Variants in NOX4 observed in about 807,000 individuals in gnomAD.
NOX4 encodes kidney oxidase-1.
A neutral mutation model predicts 87.6 loss-of-function variants in NOX4; 69 were observed. The ratio of observed to expected loss-of-function variants is 0.79; its 90% CI spans 0.65 to 0.96. NOX4 has a LOEUF of 0.96. Ranked by LOEUF, NOX4 falls within the 40% of genes least tolerant of loss-of-function variation. The pLI is 0.00. For missense variants in NOX4, 680 were observed against 681.5 expected, an observed-to-expected ratio of 1.00 and a Z score of 0.02; for synonymous variants, 275 against 238.2, an observed-to-expected ratio of 1.15 and a Z score of -1.42.
chr11:89,541,678 C>A, the NOX4 span, among the ~76,000 whole-genome samples: 30 of 151,974 alleles, frequency 2.0e-4, no homozygotes, highest in Non-Finnish European at 4.3e-4. Flanking sequence ...ATTAAATGTA[C>A]AGAAAATGCA....
intron 11 of NOX4, among the ~76,000 whole-genome samples, chr11:89,377,763 A>C (rs1334619193): frequency 2.0e-5 from 3 of 152,182 alleles, no homozygotes; most frequent in African/African-American, 4.8e-5. Flanking sequence ...TAAATGTGTT[A>C]AACCTGAGAA....
At chr11:89,475,466 T>C (rs1946127756) in intron 2 of NOX4, among the ~76,000 whole-genome samples, 1 of 152,114 alleles carries the variant, frequency 6.6e-6, no homozygotes, top group Admixed American at 6.6e-5. Context: ...CCTAATGGTA[T>C]GCATTATGTT....
rs982266394 is a variant in NOX4 at position 89,340,158 on chromosome 11, G to A, written c.1351C>T (p.Pro451Ser). The A allele has an allele frequency of 3.8e-6, 6 of 1,591,360 alleles. No individual in the cohort carries two copies. The highest frequency in any genetic ancestry group is 5.1e-6 in the Non-Finnish European group (6 of 1,168,506). ...AAGTATAGTCTTCTAAGCTTGTATG[G>A]TTTCCAGTCATCCCTTTAAAATGAA... Reference protein sequence around the residue: ...ILNTLLDDWKPYKLRRLYFIW... With the variant: ...ILNTLLDDWKSYKLRRLYFIW... The change falls in exon 15 of 18, where the codon CCA (proline) becomes TCA (serine). Residue 451 changes from proline (P) to serine (S), a missense_variant. Coordinates refer to ENST00000263317, the MANE Select transcript of NOX4 (RefSeq NM_016931.5).
the NOX4 span, among the ~76,000 whole-genome samples, chr11:89,547,218 G>T: frequency 6.6e-6 from 1 of 151,966 alleles, no homozygotes. Flanking sequence ...CCTATATATT[G>T]CCATAGAATC....
At chr11:89,398,119 A>T (rs1282027950) in intron 11 of NOX4, among the ~76,000 whole-genome samples, 1 of 151,990 alleles carries the variant, frequency 6.6e-6, no homozygotes, top group Non-Finnish European at 1.5e-5. Flanking sequence ...TTATCCACCG[A>T]GATCAAGTTG....
chr11:89,529,757 C>T, the NOX4 span, among the ~76,000 whole-genome samples: 2 of 152,138 alleles, frequency 1.3e-5, no homozygotes, highest in Non-Finnish European at 2.9e-5. Context: ...TGCTTTCATT[C>T]TTCAGTGACA....
Position 89,374,369 on chromosome 11 carries a change from G to A in NOX4, c.1075-877C>T, listed in dbSNP as rs533524566. 2.7e-3 allele frequency among the ~76,000 whole-genome samples: 405 copies of A among 152,136 alleles called. 3 individuals carry two copies. The highest frequency in any genetic ancestry group is 9.6e-3 in the African/African-American group (397 of 41,496). On this transcript the variant is annotated intron_variant, in intron 11 of 17. Coordinates refer to ENST00000263317, the MANE Select transcript of NOX4 (RefSeq NM_016931.5). ...ACATCCTGTTGGATATATTAAGTAC[G>A]ATATGAAATATGCATACCTTTTAAA...
At chr11:89,340,243 A>T in intron 14 of NOX4, 72 bp from the exon 15 acceptor site, 1 of 1,059,360 alleles carries the variant, frequency 9.4e-7, no homozygotes, top group Non-Finnish European at 1.4e-6. Flanking sequence ...TATATTTTTT[A>T]AAGTTTCCTT....
At chr11:89,550,974 A>G in the NOX4 span, among the ~76,000 whole-genome samples, 26 of 152,312 alleles carry the variant, frequency 1.7e-4, no homozygotes, top group African/African-American at 6.0e-4. Flanking sequence ...GGTATAAAGA[A>G]GGGCTCCAGT....
chr11:89,513,970 G>T, the NOX4 span, among the ~76,000 whole-genome samples: 1 of 152,104 alleles, frequency 6.6e-6, no homozygotes, highest in African/African-American at 2.4e-5. Flanking sequence ...GCCTTCACCA[G>T]ATGCGGCCAC....
upstream of NOX4, among the ~76,000 whole-genome samples, chr11:89,496,965 A>C (rs1946961195): frequency 6.6e-6 from 1 of 152,216 alleles, no homozygotes; most frequent in Non-Finnish European, 1.5e-5. Flanking sequence ...GCCCAAAGTA[A>C]CCATGATATT....
rs749801133 is a variant in NOX4 at position 89,440,677 on chromosome 11, T to G, written c.475+11A>C. The stretch of plus-strand genomic sequence containing the variant: ...CTAAACCTAAAGAAAAGGCTAAGAA[T>G]AACAACTTACCAGTTGTGAAGAGAA... On this transcript the variant is annotated intron_variant, in intron 6 of 17. Coordinates refer to ENST00000263317, the MANE Select transcript of NOX4 (RefSeq NM_016931.5). The G allele has an allele frequency of 1.3e-6, 2 of 1,542,520 alleles. No individual in the cohort carries two copies. The highest frequency in any genetic ancestry group is 1.4e-5 in the African/African-American group (1 of 71,962).
intron 6 of NOX4, among the ~76,000 whole-genome samples, chr11:89,437,492 G>A (rs958108847): frequency 6.6e-6 from 1 of 152,104 alleles, no homozygotes; most frequent in Non-Finnish European, 1.5e-5. Context: ...AGGGAGCCCT[G>A]TGTCTGAGCC....
intron 9 of NOX4, among the ~76,000 whole-genome samples, chr11:89,401,853 T>C (rs1941872170): frequency 6.6e-6 from 1 of 152,128 alleles, no homozygotes; most frequent in African/African-American, 2.4e-5. Flanking sequence ...TGTTCTGTAT[T>C]AGGCATACAG....
intron 2 of NOX4, among the ~76,000 whole-genome samples, chr11:89,471,159 C>T (rs577871169): frequency 6.6e-6 from 1 of 152,076 alleles, no homozygotes; most frequent in East Asian, 1.9e-4. Flanking sequence ...TCCTTTTTGC[C>T]TTTCACCATA....
At chr11:89,396,465 C>T (rs577375930) in intron 11 of NOX4, among the ~76,000 whole-genome samples, 18 of 152,156 alleles carry the variant, frequency 1.2e-4, no homozygotes, top group Admixed American at 8.5e-4. Context: ...GAAAATTTGA[C>T]TTCCTCTTTT....
At chr11:89,447,184 AT>A (rs1243006795) in intron 4 of NOX4, among the ~76,000 whole-genome samples, 8 of 152,170 alleles carry the variant, frequency 5.3e-5, no homozygotes, top group African/African-American at 1.9e-4. Flanking sequence ...CAGGTATAAA[AT>A]ACTATTTACA....
At chr11:89,376,145 G>T (rs190144463) in intron 11 of NOX4, among the ~76,000 whole-genome samples, 2 of 152,054 alleles carry the variant, frequency 1.3e-5, no homozygotes, top group African/African-American at 2.4e-5. Context: ...GGTTTTGAAC[G>T]GATAAAACAA....
intron 13 of NOX4, among the ~76,000 whole-genome samples, chr11:89,351,645 G>A (rs535637109): frequency 7.9e-5 from 12 of 152,202 alleles, no homozygotes; most frequent in East Asian, 7.7e-4. Flanking sequence ...CTTAAGGCCC[G>A]TAAGAATTAT....
Sources: gnomAD v4.1 joint callset for allele counts (sites outside exome capture counted in the v4.1 genomes callset) on GRCh38, gnomAD v4.1.1 for gene constraint, MANE v1.5 for transcripts, NCBI Gene and HGNC (gene_info 2026-07-23, HGNC 2026-07-21) for gene names.